The following BBOF1 variants were observed in gnomAD, a reference collection of about 807,000 sequenced individuals.
The protein encoded by BBOF1 is basal body orientation factor 1.
Under a neutral mutation model 68.0 loss-of-function variants are expected in BBOF1, and 62 were observed. That is an observed-to-expected ratio of 0.91 (90% CI 0.74 to 1.13). The LOEUF is 1.13. Ranked by LOEUF, BBOF1 falls within the 50% of genes most tolerant of loss-of-function variation. The probability of loss-of-function intolerance (pLI) is 0.00; values close to 1 mark genes in which losing one functional copy is unlikely to be tolerated. For synonymous variants in BBOF1, 208 were observed against 198.8 expected (o/e 1.05, Z -0.39); for missense variants, 534 against 600.1 (o/e 0.89, Z 1.15).
Position 74,029,217 on chromosome 14 carries a change from A to C in BBOF1, c.319A>C (p.Lys107Gln), listed in dbSNP as rs202047949. 154 of 1,563,228 alleles carry C rather than the reference A, an allele frequency of 9.9e-5. No individual in the cohort carries two copies. Among genetic ancestry groups the C allele is most frequent in the Admixed American group, 3.4e-4 (18 of 52,386 alleles). ...ACTGAAACAGCAATTAAATGAAACA[A>C]AGGAAAAAGCCCAAGAGGAGAAGGA... ...EKLKQQLNET[K>Q]EKAQEEKDKL... The change falls in exon 3 of 12, where the codon AAG (lysine) becomes CAG (glutamine). Residue 107 changes from lysine (K) to glutamine (Q), a missense_variant. Transcript: ENST00000394009.
intron 2 of BBOF1, among the ~76,000 whole-genome samples, chr14:74,028,205 A>C (rs2059477836): frequency 6.6e-6 from 1 of 151,772 alleles, no homozygotes; most frequent in Non-Finnish European, 1.5e-5. Flanking sequence ...CTGTCTCTAC[A>C]AAAAATACAA....
intron 9 of BBOF1, among the ~76,000 whole-genome samples, chr14:74,077,589 AC>A (rs1283441757): frequency 6.6e-6 from 1 of 152,180 alleles, no homozygotes; most frequent in African/African-American, 2.4e-5. Context: ...TCACACAGGA[AC>A]TAATCCATTC....
chr14:74,026,695 T>TG (rs2059436675), intron 2 of BBOF1, among the ~76,000 whole-genome samples: 1 of 151,732 alleles, frequency 6.6e-6, no homozygotes, highest in African/African-American at 2.4e-5. Flanking sequence ...GAGGCCGAGG[T>TG]GGGCAGATCA....
In BBOF1 at chr14:74,059,302, G is replaced by A; in HGVS notation, c.1578+2044G>A. 6.7e-6 allele frequency: 3 copies of A among 446,424 alleles called. 1 individual carries two copies. Among genetic ancestry groups the A allele is most frequent in the South Asian group, 4.8e-5 (3 of 62,850 alleles). 27.7% of individuals were successfully genotyped at this position (446,424 alleles called of 1,614,324 possible). ...TATAAAATTTGGCAAGTAATAGCAG[G>A]TTAGATTTGCTTAAGGCAGGTGTCT... On this transcript the variant is annotated intron_variant, in intron 11 of 11. Coordinates refer to ENST00000394009, the MANE Select transcript of BBOF1 (RefSeq NM_025057.3).
chr14:74,065,529 G>T lies in BBOF1; in HGVS notation c.*830G>T. 1.5e-6 allele frequency: 1 copy of T among 657,788 alleles called. No individual in the cohort carries two copies. Among genetic ancestry groups the T allele is most frequent in the Non-Finnish European group, 2.6e-6 (1 of 383,516 alleles). 40.7% of individuals were successfully genotyped at this position (657,788 alleles called of 1,614,324 possible). A position where few individuals can be genotyped will look rare whatever the true frequency, so the allele number is the denominator to read the frequency against. On this transcript the variant is annotated 3_prime_UTR_variant, in exon 12 of 12. Coordinates refer to ENST00000394009, the MANE Select transcript of BBOF1 (RefSeq NM_025057.3). The stretch of plus-strand genomic sequence containing the variant: ...TTAAAAAAAAAGTCCTCTCTCAAGT[G>T]TATTCCGTCTTCCAAGTTACCAATC...
chr14:74,079,061 C>T (rs2060643696), intron 10 of BBOF1, among the ~76,000 whole-genome samples: 1 of 151,790 alleles, frequency 6.6e-6, no homozygotes, highest in Non-Finnish European at 1.5e-5. Flanking sequence ...ACTCTCATGG[C>T]TTAACTATCT....
intron 9 of BBOF1, chr14:74,071,434 G>A: frequency 6.2e-7 from 1 of 1,614,172 alleles, no homozygotes; most frequent in Non-Finnish European, 8.5e-7. Flanking sequence ...CATGTCTTTG[G>A]TGATGGATGG....
intron 2 of BBOF1, among the ~76,000 whole-genome samples, chr14:74,026,289 A>G (rs921608855): frequency 2.0e-5 from 3 of 151,828 alleles, no homozygotes; most frequent in African/African-American, 4.8e-5. Flanking sequence ...TGAAAATACA[A>G]AAATTAGCCA....
chr14:74,073,229 G>C (rs974868795), intron 9 of BBOF1, among the ~76,000 whole-genome samples: 16 of 152,042 alleles, frequency 1.1e-4, no homozygotes, highest in African/African-American at 3.6e-4. Context: ...TCAGCCTCCT[G>C]AGCAGCTGGG....
chr14:74,034,133 C>T lies in BBOF1; in HGVS notation c.457C>T (p.Gln153Ter), dbSNP rs1329550968. ...AGAGCTGAAAGCAGTAAGACAATTC[C>T]AGAAGAGAAAAATCCAAGTGGAGAG... ...HTELKAVRQFQKRKIQVEREL... is the reference protein window; with the variant it reads ...HTELKAVRQF The change falls in exon 4 of 12, where the codon CAG (glutamine) becomes TAG (stop). Residue 153 changes from glutamine to a stop codon, truncating the protein, a stop_gained. Coordinates refer to ENST00000394009, the MANE Select transcript of BBOF1 (RefSeq NM_025057.3). LOFTEE classifies it high-confidence loss of function. 1.3e-6 allele frequency: 2 copies of T among 1,586,972 alleles called. No individual in the cohort carries two copies. The highest frequency in any genetic ancestry group is 1.2e-5 in the South Asian group (1 of 85,488).
chr14:74,056,882 T>A, intron 9 of BBOF1, 24 bp from the exon 10 acceptor site: 1 of 1,549,438 alleles, frequency 6.5e-7, no homozygotes, highest in Non-Finnish European at 8.9e-7. Context: ...ATTCATTATC[T>A]TTGTTGACTT....
intron 4 of BBOF1, among the ~76,000 whole-genome samples, chr14:74,039,249 A>G (rs150718893): frequency 2.2e-4 from 33 of 152,150 alleles, no homozygotes; most frequent in Non-Finnish European, 3.8e-4. Flanking sequence ...ACATTTTTCA[A>G]TGCCATTAAA....
At chr14:74,028,788 A>T (rs967349026) in intron 2 of BBOF1, among the ~76,000 whole-genome samples, 3 of 151,662 alleles carry the variant, frequency 2.0e-5, no homozygotes, top group African/African-American at 7.3e-5. Flanking sequence ...GGCTCACTGC[A>T]ACCTCTGCCT....
Position 74,057,269 on chromosome 14 carries a change from T to C in BBOF1, c.1578+11T>C, listed in dbSNP as rs747900236. ...CAGGAGTCTGACACAGTAAGGAGTC[T>C]GTATCTAATCAAACAATGTATATTG... On this transcript the variant is annotated intron_variant, in intron 11 of 11. Coordinates refer to ENST00000394009, the MANE Select transcript of BBOF1 (RefSeq NM_025057.3). 3 of 1,614,036 alleles carry C rather than the reference T, an allele frequency of 1.9e-6. No homozygotes were observed. The highest frequency in any genetic ancestry group is 1.6e-4 in the Middle Eastern group (1 of 6,062).
At chr14:74,040,474 A>C (rs1201143296) in intron 4 of BBOF1, 91 bp from the exon 5 acceptor site, 1 of 785,634 alleles carries the variant, frequency 1.3e-6, no homozygotes, top group African/African-American at 1.8e-5. Context: ...TATAACAGAA[A>C]GCATTTCCTT....
Position 74,019,446 on chromosome 14 carries a change from AACT to A in BBOF1, c.-30_-28del. 1 of 1,590,860 alleles carries A rather than the reference AACT, an allele frequency of 6.3e-7. No homozygotes were observed. The highest frequency in any genetic ancestry group is 8.6e-7 in the Non-Finnish European group (1 of 1,169,230). ...CTGGCCAGGGCGGCCGCGGCTGGGC[AACT>A]ACGACAGCGGAGCCCCTGGGGAAGC... is the stretch of plus-strand genomic sequence containing the variant. On this transcript the variant is annotated 5_prime_UTR_variant, in exon 1 of 12. Coordinates refer to ENST00000394009, the MANE Select transcript of BBOF1 (RefSeq NM_025057.3).
In BBOF1 at chr14:74,036,879, C is replaced by T. The variant is rs2059713943; in HGVS notation, c.495+2708C>T. On this transcript the variant is annotated intron_variant, in intron 4 of 11. Transcript: ENST00000394009. ...TATTCATTAATCCCTGAAATCTTGTCTCTTTGTTTCATTGTTCACACTGTC... is the reference window on the plus strand; with the variant it reads ...TATTCATTAATCCCTGAAATCTTGTTTCTTTGTTTCATTGTTCACACTGTC... 1.3e-5 allele frequency among the ~76,000 whole-genome samples: 2 copies of T among 151,304 alleles called. 1 individual carries two copies. The highest frequency in any genetic ancestry group is 4.2e-4 in the South Asian group (2 of 4,806).
At chr14:74,073,172 T>C (rs1008380197) in intron 9 of BBOF1, among the ~76,000 whole-genome samples, 4 of 152,100 alleles carry the variant, frequency 2.6e-5, no homozygotes, top group African/African-American at 4.8e-5. Context: ...AGTGTGATCA[T>C]GACTCACTGC....
Position 74,034,153 on chromosome 14 carries a change from GGA to G in BBOF1, c.485_486del (p.Glu162ValfsTer3), listed in dbSNP as rs769800677. The stretch of plus-strand genomic sequence containing the variant: ...AATTCCAGAAGAGAAAAATCCAAGT[GGA>G]GAGAGAGTTAGATGATGTAAGTTTC... The part of the protein sequence containing the change: ...RQFQKRKIQV[E>X]RELDDLKENL... On this transcript the variant is annotated frameshift_variant, in exon 4 of 12. Coordinates refer to ENST00000394009, the MANE Select transcript of BBOF1 (RefSeq NM_025057.3). LOFTEE classifies it high-confidence loss of function. The G allele has an allele frequency of 1.9e-6, 3 of 1,573,248 alleles. No individual in the cohort carries two copies. The highest frequency in any genetic ancestry group is 2.6e-6 in the Non-Finnish European group (3 of 1,161,932).
Sources: gnomAD v4.1 joint callset for allele counts (sites outside exome capture counted in the v4.1 genomes callset) on GRCh38, gnomAD v4.1.1 for gene constraint, MANE v1.5 for transcripts, NCBI Gene and HGNC (gene_info 2026-07-23, HGNC 2026-07-21) for gene names.